AKAP13: variants seen among roughly 807,000 people sequenced by gnomAD.
AKAP13 encodes the protein A-kinase anchoring protein 13, also known as A-kinase anchor protein 13.
A neutral mutation model predicts 264.5 loss-of-function variants in AKAP13; 80 were observed. The ratio of observed to expected loss-of-function variants is 0.30; its 90% CI spans 0.25 to 0.36. The LOEUF is 0.36. Among genes scored for constraint, AKAP13 ranks in the 10% least tolerant of loss-of-function variants. AKAP13 has a pLI of 1.00. For missense variants in AKAP13, 3,712 were observed against 3,435.2 expected, an observed-to-expected ratio of 1.08 and a Z score of -2.01; for synonymous variants, 1,380 against 1,250.2, an observed-to-expected ratio of 1.10 and a Z score of -2.19.
At position 85,684,803 on chromosome 15, in the gene AKAP13, A is replaced by G. The variant is rs887038197; in HGVS notation, c.5219A>G (p.Lys1740Arg). The G allele has an allele frequency of 1.6e-5, 26 of 1,613,836 alleles. No homozygotes were observed. The highest frequency in any genetic ancestry group is 1.9e-5 in the Non-Finnish European group (22 of 1,179,996). ...HSPSKKDSEW[K>R]SGTKVSRTFS... ...CCCTCCAAGAAAGATTCTGAATGGA[A>G]GAGTGGAACAAAAGTCAGTCGTACA... Residue 1740 changes from lysine to arginine, a missense_variant, in exon 16 of 37, where the codon AAG (lysine) becomes AGG (arginine). This residue lies in a region of AKAP13 where 2,759 missense variants were observed against 2,411.7 expected (regional missense o/e 1.14). Transcript: ENST00000394518.
chr15:85,393,583 G>A (rs113353594), intron 1 of AKAP13, among the ~76,000 whole-genome samples: 28 of 152,274 alleles, frequency 1.8e-4, no homozygotes, highest in African/African-American at 5.1e-4. Flanking sequence ...TTACTATAAA[G>A]GGAAGAAGAA....
At position 85,463,019 on chromosome 15, in the gene AKAP13, G is replaced by A. The variant is rs1322071855; in HGVS notation, c.-11-22691G>A. Reference sequence around the variant, plus strand: ...AGCCTGGGCGACAGAGCGAGACTCCGTCTCAAAAAAAAAAAAAAAAAAAAG... The same window carrying A: ...AGCCTGGGCGACAGAGCGAGACTCCATCTCAAAAAAAAAAAAAAAAAAAAG... On this transcript the variant is annotated intron_variant, in intron 1 of 36. Coordinates refer to ENST00000394518, the MANE Select transcript of AKAP13 (RefSeq NM_007200.5). Among the ~76,000 whole-genome samples, 23 of 56,994 alleles carry A rather than the reference G, an allele frequency of 4.0e-4. No individual in the cohort carries two copies. The South Asian group carries it at 8.4e-3, about 21-fold the overall frequency. The allele number at this position is 56,994 out of a possible 152,430, so 37.4% of individuals were successfully genotyped here.
chr15:85,735,206 C>T (rs1208014012), intron 31 of AKAP13, 56 bp downstream of exon 31: 2 of 1,567,852 alleles, frequency 1.3e-6, no homozygotes, highest in Non-Finnish European at 1.7e-6. Flanking sequence ...TCTCACACAA[C>T]TCAAAATGAC....
At chr15:85,640,668 T>G (rs2082267141) in intron 9 of AKAP13, among the ~76,000 whole-genome samples, 2 of 152,164 alleles carry the variant, frequency 1.3e-5, no homozygotes, top group Admixed American at 1.3e-4. Context: ...TCCTAGAACC[T>G]TCTACTTAAA....
chr15:85,747,340 G>A lies in AKAP13; in HGVS notation c.*2663G>A, dbSNP rs759182806. The A allele has an allele frequency of 6.6e-6, 1 of 151,786 alleles. No individual in the cohort carries two copies. Among genetic ancestry groups the A allele is most frequent in the African/African-American group, 2.4e-5 (1 of 41,262 alleles). 9.4% of individuals were successfully genotyped at this position (151,786 alleles called of 1,614,324 possible). On this transcript the variant is annotated 3_prime_UTR_variant, in exon 37 of 37. Coordinates refer to ENST00000394518, the MANE Select transcript of AKAP13 (RefSeq NM_007200.5). ...TGCTCATGGCCTTGACAGTGCTCTAGTTGCTGGATCTAATGGCCTGTCTTG... is the reference window on the plus strand; with the variant it reads ...TGCTCATGGCCTTGACAGTGCTCTAATTGCTGGATCTAATGGCCTGTCTTG...
At chr15:85,627,994 G>A (rs2081509931) in intron 8 of AKAP13, among the ~76,000 whole-genome samples, 1 of 152,138 alleles carries the variant, frequency 6.6e-6, no homozygotes, top group African/African-American at 2.4e-5. Flanking sequence ...AGATTCTTGA[G>A]CAGGAATTAT....
intron 5 of AKAP13, among the ~76,000 whole-genome samples, chr15:85,564,216 T>G (rs2078523211): frequency 6.6e-6 from 1 of 152,210 alleles, no homozygotes; most frequent in African/African-American, 2.4e-5. Context: ...TTAAAATGTT[T>G]TACATTTAAC....
chr15:85,415,352 T>G, intron 1 of AKAP13: 1 of 1,580,776 alleles, frequency 6.3e-7, no homozygotes, highest in Non-Finnish European at 8.7e-7. Flanking sequence ...CCAAGCCAGA[T>G]TGTATCATCA....
At chr15:85,688,150 A>C (rs2151625027) in intron 16 of AKAP13, among the ~76,000 whole-genome samples, 1 of 152,282 alleles carries the variant, frequency 6.6e-6, no homozygotes, top group East Asian at 1.9e-4. Context: ...ACCATGCAGA[A>C]GTACTGTATT....
intron 13 of AKAP13, among the ~76,000 whole-genome samples, chr15:85,668,414 G>A (rs1241203353): frequency 6.6e-6 from 1 of 152,194 alleles, no homozygotes; most frequent in Non-Finnish European, 1.5e-5. Context: ...CTAGATGACT[G>A]TCTTTCAGGG....
intron 8 of AKAP13, among the ~76,000 whole-genome samples, chr15:85,592,434 G>A (rs1475920244): frequency 2.6e-5 from 4 of 152,202 alleles, no homozygotes; most frequent in South Asian, 2.1e-4. Context: ...TGGCTTGTAC[G>A]TCCCACCCTG....
chr15:85,439,113 A>G (rs556513093), intron 1 of AKAP13, among the ~76,000 whole-genome samples: 105 of 152,194 alleles, frequency 6.9e-4, no homozygotes, highest in South Asian at 1.7e-3. Context: ...AACTCAAACA[A>G]ATTTACAAGA....
At chr15:85,438,196 A>C (rs1250024454) in intron 1 of AKAP13, among the ~76,000 whole-genome samples, 6 of 143,644 alleles carry the variant, frequency 4.2e-5, no homozygotes, top group African/African-American at 1.7e-4. Flanking sequence ...GAGCCAAATC[A>C]TGAGTGAACT....
intron 1 of AKAP13, among the ~76,000 whole-genome samples, chr15:85,424,081 C>G (rs907155681): frequency 1.3e-5 from 2 of 152,138 alleles, no homozygotes; most frequent in Non-Finnish European, 2.9e-5. Context: ...CTTATGGGCT[C>G]TAGAATTTTT....
intron 17 of AKAP13, among the ~76,000 whole-genome samples, chr15:85,706,308 A>G (rs972884097): frequency 1.3e-5 from 2 of 152,144 alleles, no homozygotes. Flanking sequence ...GCTCGTGAGG[A>G]TGGGCAGAAA....
At chr15:85,451,893 T>C (rs2074105319) in intron 1 of AKAP13, among the ~76,000 whole-genome samples, 2 of 152,254 alleles carry the variant, frequency 1.3e-5, no homozygotes, top group South Asian at 4.1e-4. Context: ...TTGTATTTTC[T>C]GGATTTGACT....
chr15:85,647,196 C>A (rs2082598023), intron 10 of AKAP13, among the ~76,000 whole-genome samples: 1 of 151,626 alleles, frequency 6.6e-6, no homozygotes, highest in Non-Finnish European at 1.5e-5. Context: ...GTCAGGAGTT[C>A]GAGACCAGCC....
At position 85,407,761 on chromosome 15, in the gene AKAP13, G is replaced by A. The variant is rs371689140; in HGVS notation, c.-12+26963G>A. Among the ~76,000 whole-genome samples the A allele has an allele frequency of 1.0e-3, 154 of 151,818 alleles. 5 individuals are homozygous for A. The South Asian group carries it at 0.029, about 28-fold the overall frequency. ...AAGTCAAAATGGGGTGGGTGGAAGC[G>A]TCTTTTAGTTTGTCCTCTTGAAGCA... On this transcript the variant is annotated intron_variant, in intron 1 of 36. Transcript: ENST00000394518.
At position 85,745,196 on chromosome 15, in the gene AKAP13, G is replaced by C. The variant is rs2089332318; in HGVS notation, c.*519G>C. ...CAACTTAGCACAAGGGCAGTGCCTG[G>C]ACGGACCCGGAGCCCCCGCATATCA... On this transcript the variant is annotated 3_prime_UTR_variant, in exon 37 of 37. Transcript: ENST00000394518. 6.5e-6 allele frequency: 1 copy of C among 153,052 alleles called. No homozygotes were observed. The highest frequency in any genetic ancestry group is 1.5e-5 in the Non-Finnish European group (1 of 68,630). 9.5% of individuals were successfully genotyped at this position (153,052 alleles called of 1,614,324 possible).
Sources: gnomAD v4.1 joint callset for allele counts (sites outside exome capture counted in the v4.1 genomes callset) on GRCh38, gnomAD v4.1.1 for gene constraint, gnomAD v4.1.1 regional missense constraint, MANE v1.5 for transcripts, NCBI Gene and HGNC (gene_info 2026-07-23, HGNC 2026-07-21) for gene names.